ZNF280D: variants seen among roughly 807,000 people sequenced by gnomAD.
The protein encoded by ZNF280D is suppressor of hairy wing homolog 4.
ZNF280D carries 39 observed loss-of-function variants against 94.7 expected under a neutral mutation model. The observed-to-expected ratio is 0.41, with a 90% CI of 0.32 to 0.54. ZNF280D has a LOEUF of 0.54. ZNF280D is among the 20% of genes least tolerant of loss of function. The pLI is 0.22. For missense variants in ZNF280D, 1,090 were observed against 1,149.3 expected (o/e 0.95, Z 0.75); for synonymous variants, 398 against 377.6 (o/e 1.05, Z -0.63).
intron 4 of ZNF280D, 94 bp downstream of exon 4, chr15:56,704,027 A>G: frequency 7.4e-7 from 1 of 1,356,192 alleles, no homozygotes. Context: ...TTACAGTGGA[A>G]CATGAACATC....
intron 13 of ZNF280D, among the ~76,000 whole-genome samples, chr15:56,674,112 C>T (rs1250587222): frequency 4.6e-5 from 7 of 152,018 alleles, no homozygotes; most frequent in Non-Finnish European, 1.0e-4. Flanking sequence ...CTAAGGCACT[C>T]AGTAAATATT....
At chr15:56,651,171 C>A (rs1401080869) in intron 19 of ZNF280D, among the ~76,000 whole-genome samples, 3 of 152,148 alleles carry the variant, frequency 2.0e-5, no homozygotes, top group Non-Finnish European at 4.4e-5. Context: ...CCCAAAGAGG[C>A]AAAGTGTTTT....
intron 1 of ZNF280D, chr15:56,732,792 AT>A (rs1258977117): frequency 6.6e-6 from 1 of 152,360 alleles, no homozygotes; most frequent in Non-Finnish European, 1.5e-5. Flanking sequence ...GAGTGAGATC[AT>A]TCTTTCCGTC....
intron 7 of ZNF280D, among the ~76,000 whole-genome samples, chr15:56,692,831 A>G (rs1208806103): frequency 6.6e-6 from 1 of 152,138 alleles, no homozygotes; most frequent in Non-Finnish European, 1.5e-5. Context: ...AATTATTTTA[A>G]TATTTCTCAG....
intron 1 of ZNF280D, among the ~76,000 whole-genome samples, chr15:56,709,148 A>G (rs1288766342): frequency 2.0e-5 from 3 of 152,228 alleles, no homozygotes; most frequent in African/African-American, 7.2e-5. Context: ...CAAAGAACTC[A>G]AACAAATTTA....
intron 1 of ZNF280D, among the ~76,000 whole-genome samples, chr15:56,707,986 T>G (rs1163735108): frequency 1.3e-5 from 2 of 152,062 alleles, no homozygotes; most frequent in African/African-American, 4.8e-5. Flanking sequence ...AAACTGGGAA[T>G]CTGTTTTTTG....
intron 13 of ZNF280D, among the ~76,000 whole-genome samples, chr15:56,672,166 A>G (rs1289294500): frequency 1.3e-5 from 2 of 151,858 alleles, no homozygotes; most frequent in South Asian, 2.1e-4. Context: ...TTGAATGTGC[A>G]TTGTTTCTTT....
At chr15:56,715,060 T>C (rs1422435298) in intron 1 of ZNF280D, among the ~76,000 whole-genome samples, 7 of 152,048 alleles carry the variant, frequency 4.6e-5, no homozygotes, top group South Asian at 2.1e-4. Flanking sequence ...GGGGGCACCA[T>C]AGAAATAAAA....
At chr15:56,671,322 T>C (rs1431577077) in intron 13 of ZNF280D, among the ~76,000 whole-genome samples, 1 of 152,184 alleles carries the variant, frequency 6.6e-6, no homozygotes, top group Non-Finnish European at 1.5e-5. Context: ...TACATTTAAG[T>C]CTTTAATCCA....
intron 17 of ZNF280D, chr15:56,654,905 T>C: frequency 4.5e-6 from 2 of 444,606 alleles, no homozygotes; most frequent in South Asian, 1.6e-5. Context: ...TTATATATAC[T>C]GTACTACTAG....
chr15:56,666,964 C>T lies in ZNF280D; in HGVS notation c.1568G>A (p.Gly523Glu). Residue 523 changes from glycine (G) to glutamate (E), a missense_variant, in exon 15 of 22, where the codon GGA (glycine) becomes GAA (glutamate). Transcript: ENST00000267807. ...AGGTGAAGCTCCTGATTGCAGAGGT[C>T]CAACTGAAGCTCGAATAGTAACCTA... is the stretch of plus-strand genomic sequence containing the variant. ...GTKVTIRASV[G>E]PLQSGASPTP... The T allele has an allele frequency of 6.2e-7, 1 of 1,602,536 alleles. No individual in the cohort carries two copies. Among genetic ancestry groups the T allele is most frequent in the Non-Finnish European group, 8.5e-7 (1 of 1,174,682 alleles).
At chr15:56,732,695 T>C (rs1205274631) in intron 1 of ZNF280D, 1 of 152,106 alleles carries the variant, frequency 6.6e-6, no homozygotes, top group African/African-American at 2.4e-5. Flanking sequence ...ACGTTTTTCC[T>C]CTCCAGCAGA....
chr15:56,675,767 A>G (rs1420617191), intron 13 of ZNF280D, among the ~76,000 whole-genome samples: 1 of 152,050 alleles, frequency 6.6e-6, no homozygotes, highest in African/African-American at 2.4e-5. Context: ...CAGCAAAGTG[A>G]GCACCAATGC....
At position 56,707,775 on chromosome 15, in the gene ZNF280D, T is replaced by C. The variant is rs1351142082; in HGVS notation, c.-85-469A>G. On this transcript the variant is annotated intron_variant, in intron 1 of 21. Transcript: ENST00000267807. The stretch of plus-strand genomic sequence containing the variant: ...AAAATTCATTGGAAATATTTCATCA[T>C]AGATTAATTCATTCAAAAAATAACT... Among the ~76,000 whole-genome samples the C allele has an allele frequency of 2.6e-5, 4 of 152,052 alleles. No homozygotes were observed. In the East Asian group the frequency reaches 5.8e-4, roughly 22 times the overall value.
In ZNF280D at chr15:56,633,723, T is replaced by A. The variant is rs552127647; in HGVS notation, c.2315+1472A>T. Among the ~76,000 whole-genome samples the A allele has an allele frequency of 5.9e-5, 9 of 152,064 alleles. 1 individual carries two copies. Among genetic ancestry groups the A allele is most frequent in the Admixed American group, 3.3e-4 (5 of 15,268 alleles). On this transcript the variant is annotated intron_variant, in intron 21 of 21. Transcript: ENST00000267807. The stretch of plus-strand genomic sequence containing the variant: ...TCAGGCTGGTCTTGAACTCCTGACC[T>A]CGTGATCCACCCACCTCGGCCTCCC...
rs763500447 is a variant in ZNF280D at position 56,666,735 on chromosome 15, G to A, written c.1797C>T (p.Ser599=). 1 of 1,613,138 alleles carries A rather than the reference G, an allele frequency of 6.2e-7. No homozygotes were observed. The highest frequency in any genetic ancestry group is 1.7e-5 in the Admixed American group (1 of 59,866). Residue 599 remains serine, a synonymous_variant, in exon 15 of 22, where the codon AGC becomes AGT. Coordinates refer to ENST00000267807, the MANE Select transcript of ZNF280D (RefSeq NM_017661.4). ...TTTTTTTATTGCTACTAGCCAATGTGCTTTGTTTCTTTTGCATATTAGAGA... is the reference window on the plus strand; with the variant it reads ...TTTTTTTATTGCTACTAGCCAATGTACTTTGTTTCTTTTGCATATTAGAGA... The part of the protein sequence containing the change: ...PKISNMQKKQ[S]TLASSNKKSK...
intron 6 of ZNF280D, 50 bp downstream of exon 6, chr15:56,700,880 AAAC>A: frequency 6.2e-7 from 1 of 1,613,426 alleles, no homozygotes; most frequent in South Asian, 1.1e-5. Flanking sequence ...TGATATTGAT[AAAC>A]AACATCCAAT....
intron 10 of ZNF280D, among the ~76,000 whole-genome samples, chr15:56,681,550 A>G (rs2055620203): frequency 6.6e-6 from 1 of 152,132 alleles, no homozygotes; most frequent in African/African-American, 2.4e-5. Context: ...AAAAAACCTT[A>G]TCTAATATAA....
At chr15:56,649,607 T>G (rs527268942) in intron 19 of ZNF280D, among the ~76,000 whole-genome samples, 6 of 151,996 alleles carry the variant, frequency 3.9e-5, no homozygotes, top group African/African-American at 1.2e-4. Context: ...ATAGATCAGT[T>G]TGTTTTTTTT....
Sources: allele counts gnomAD v4.1 joint callset (sites outside exome capture counted in the v4.1 genomes callset), GRCh38; gene constraint gnomAD v4.1.1; transcripts MANE v1.5; gene names NCBI Gene and HGNC (gene_info 2026-07-23, HGNC 2026-07-21).